Variants in SIPA1L3 observed in about 807,000 individuals in gnomAD.
SIPA1L3 encodes the protein signal induced proliferation associated 1 like 3, also known as signal-induced proliferation-associated 1-like protein 3.
SIPA1L3 carries 59 observed loss-of-function variants against 150.1 expected under a neutral mutation model. The ratio of observed to expected loss-of-function variants is 0.39; its 90% CI spans 0.32 to 0.49. SIPA1L3 has a LOEUF of 0.49. Among genes scored for constraint, SIPA1L3 ranks in the 20% least tolerant of loss-of-function variants. The probability of loss-of-function intolerance (pLI) is 0.86; values close to 1 mark genes in which losing one functional copy is unlikely to be tolerated. For missense variants in SIPA1L3, 2,211 were observed against 2,489.5 expected (o/e 0.89, Z 2.38); for synonymous variants, 1,070 against 1,077.6 (o/e 0.99, Z 0.14).
intron 1 of SIPA1L3, among the ~76,000 whole-genome samples, chr19:37,987,700 G>T (rs1029697861): frequency 2.0e-5 from 3 of 152,204 alleles, no homozygotes; most frequent in African/African-American, 7.2e-5. Context: ...TCACATCGAT[G>T]CTCAGGTCCC....
At chr19:38,065,366 C>G (rs994861264) in intron 2 of SIPA1L3, among the ~76,000 whole-genome samples, 2 of 150,836 alleles carry the variant, frequency 1.3e-5, no homozygotes, top group African/African-American at 4.9e-5. Flanking sequence ...AAGGGCCTTG[C>G]AAGGGGTGAC....
At chr19:37,911,290 C>T (rs1185749028) in intron 1 of SIPA1L3, among the ~76,000 whole-genome samples, 4 of 151,812 alleles carry the variant, frequency 2.6e-5, no homozygotes, top group Admixed American at 1.3e-4. Context: ...TTTCTTCCTC[C>T]TCCCATACCA....
At chr19:38,117,096 G>A (rs995796979) in intron 8 of SIPA1L3, among the ~76,000 whole-genome samples, 5 of 152,158 alleles carry the variant, frequency 3.3e-5, no homozygotes, top group South Asian at 2.1e-4. Flanking sequence ...CAGAAGCCTC[G>A]ATGGGTTGAG....
intron 2 of SIPA1L3, among the ~76,000 whole-genome samples, chr19:38,080,983 AAT>A (rs1198665150): frequency 6.6e-6 from 1 of 151,928 alleles, no homozygotes; most frequent in East Asian, 1.9e-4. Context: ...AAAAAAAAAA[AAT>A]GATGTCTGGG....
chr19:38,031,954 AAACAAAAC>A (rs1302464063), intron 2 of SIPA1L3, among the ~76,000 whole-genome samples: 7 of 152,140 alleles, frequency 4.6e-5, no homozygotes, highest in African/African-American at 1.7e-4. Context: ...TGTCTCTTTA[AAACAAAAC>A]AAAAATGCTA....
chr19:38,107,237 G>A (rs1342483689), intron 7 of SIPA1L3, among the ~76,000 whole-genome samples: 1 of 152,220 alleles, frequency 6.6e-6, no homozygotes, highest in Non-Finnish European at 1.5e-5. Flanking sequence ...GTGTTTCAGA[G>A]CTGAGTCTCA....
chr19:38,152,862 C>T lies in SIPA1L3; in HGVS notation c.3556C>T (p.Leu1186=). 1.2e-6 allele frequency: 2 copies of T among 1,613,092 alleles called. No homozygotes were observed. The highest frequency in any genetic ancestry group is 1.7e-6 in the Non-Finnish European group (2 of 1,179,478). Reference sequence around the variant, plus strand: ...CAGGTACACGGCTGCCCCACACCCCCTGCTATCTCTTGATCCCCACTTCAG... The same window carrying T: ...CAGGTACACGGCTGCCCCACACCCCTTGCTATCTCTTGATCCCCACTTCAG... ...PERYTAAPHP[L]LSLDPHFSHD... is the part of the protein sequence containing the mutation. Residue 1186 remains leucine (L), a synonymous_variant, in exon 13 of 22, where the codon CTG becomes TTG. Transcript: ENST00000222345.
At chr19:37,912,461 A>C (rs1317505437) in intron 1 of SIPA1L3, among the ~76,000 whole-genome samples, 3 of 152,206 alleles carry the variant, frequency 2.0e-5, no homozygotes, top group East Asian at 3.9e-4. Context: ...GAGAGGTTTC[A>C]TAAGATTATC....
At position 38,192,653 on chromosome 19, in the gene SIPA1L3, G is replaced by A. The variant is rs148722434; in HGVS notation, c.4596+343G>A. Among the ~76,000 whole-genome samples the A allele has an allele frequency of 8.2e-4, 125 of 152,272 alleles. 1 individual carries two copies. Among genetic ancestry groups the A allele is most frequent in the African/African-American group, 2.9e-3 (119 of 41,558 alleles). On this transcript the variant is annotated intron_variant, in intron 17 of 21. Transcript: ENST00000222345. Reference sequence around the variant, plus strand: ...CCAAACCACAGGGACTGAGAGTGGAGCAGGGGCTCCCAGAGGAAGTTCAGA... The same window carrying A: ...CCAAACCACAGGGACTGAGAGTGGAACAGGGGCTCCCAGAGGAAGTTCAGA...
intron 16 of SIPA1L3, among the ~76,000 whole-genome samples, chr19:38,189,697 C>T (rs1329371051): frequency 2.6e-5 from 4 of 151,902 alleles, no homozygotes; most frequent in Admixed American, 1.3e-4. Flanking sequence ...ACCTGGGAGG[C>T]GGAGGTTGCA....
intron 1 of SIPA1L3, among the ~76,000 whole-genome samples, chr19:37,957,549 T>C (rs905016429): frequency 6.6e-6 from 1 of 151,760 alleles, no homozygotes; most frequent in African/African-American, 2.4e-5. Context: ...AATTTTTTTT[T>C]CTTTTTTTTC....
chr19:38,186,969 T>C (rs1972693933), intron 16 of SIPA1L3, among the ~76,000 whole-genome samples: 1 of 140,148 alleles, frequency 7.1e-6, no homozygotes, highest in South Asian at 2.2e-4. Context: ...ATCGTGCCAT[T>C]ACACTCCAGC....
At chr19:37,923,714 A>G (rs2046476473) in intron 1 of SIPA1L3, among the ~76,000 whole-genome samples, 1 of 151,954 alleles carries the variant, frequency 6.6e-6, no homozygotes, top group African/African-American at 2.4e-5. Flanking sequence ...GCTTACTGCA[A>G]CTTGTTTACT....
intron 10 of SIPA1L3, among the ~76,000 whole-genome samples, chr19:38,132,750 C>A (rs962150085): frequency 3.3e-5 from 5 of 151,132 alleles, no homozygotes; most frequent in Admixed American, 3.3e-4. Flanking sequence ...TGGGTTCCAG[C>A]GATTCTCCTG....
chr19:38,065,913 A>T (rs1198791907), intron 2 of SIPA1L3, among the ~76,000 whole-genome samples: 1 of 121,226 alleles, frequency 8.2e-6, no homozygotes, highest in Non-Finnish European at 1.6e-5. Context: ...TTATTTATTT[A>T]TCTATTTATT....
rs1044793455 is a variant in SIPA1L3, at chr19:37,930,942, G to T, written c.-379+23584G>T. On this transcript the variant is annotated intron_variant, in intron 1 of 21. Coordinates refer to ENST00000222345, the MANE Select transcript of SIPA1L3 (RefSeq NM_015073.3). ...TCACAGGGGACTATAAGCTCCCTGTGGGCAGGATTTATGTGGTTTTTGTTT... is the reference window on the plus strand; with the variant it reads ...TCACAGGGGACTATAAGCTCCCTGTTGGCAGGATTTATGTGGTTTTTGTTT... Among the ~76,000 whole-genome samples the T allele has an allele frequency of 4.6e-5, 7 of 151,502 alleles. No individual in the cohort carries two copies. In the South Asian group the frequency reaches 1.5e-3, roughly 32 times the overall value.
intron 1 of SIPA1L3, among the ~76,000 whole-genome samples, chr19:37,947,516 C>G (rs545827367): frequency 1.3e-5 from 2 of 152,136 alleles, no homozygotes; most frequent in Admixed American, 6.5e-5. Context: ...CCAACTCCCC[C>G]ACCTCAGTAG....
chr19:38,160,674 T>A (rs1055202380), intron 13 of SIPA1L3, among the ~76,000 whole-genome samples: 1 of 152,112 alleles, frequency 6.6e-6, no homozygotes, highest in African/African-American at 2.4e-5. Context: ...AGTGCTGGGA[T>A]TACAGGCGTG....
intron 1 of SIPA1L3, among the ~76,000 whole-genome samples, chr19:37,932,180 G>A (rs369290715): frequency 3.9e-5 from 6 of 152,324 alleles, no homozygotes; most frequent in African/African-American, 1.4e-4. Flanking sequence ...GCATCCAGGC[G>A]CAAGCTCAGG....
Sources: gnomAD v4.1 joint callset for allele counts (sites outside exome capture counted in the v4.1 genomes callset) on GRCh38, gnomAD v4.1.1 for gene constraint, MANE v1.5 for transcripts, NCBI Gene and HGNC (gene_info 2026-07-23, HGNC 2026-07-21) for gene names.